GRID2: variants seen among roughly 807,000 people sequenced by gnomAD.
GRID2 encodes glutamate ionotropic receptor delta type subunit 2.
In GRID2, 33 loss-of-function variants were observed where a neutral mutation model predicts 114.8. The observed-to-expected ratio is 0.29, with a 90% CI of 0.22 to 0.38. The LOEUF (loss-of-function observed/expected upper bound fraction) is 0.38. GRID2 is among the 10% of genes least tolerant of loss of function. The pLI is 1.00. For missense variants in GRID2, 1,184 were observed against 1,257.7 expected, an observed-to-expected ratio of 0.94 and a Z score of 0.89; for synonymous variants, 505 against 449.9, an observed-to-expected ratio of 1.12 and a Z score of -1.55.
At chr4:93,748,710 A>ACTTTAG (rs1560970738) in intron 14 of GRID2, among the ~76,000 whole-genome samples, 1 of 151,496 alleles carries the variant, frequency 6.6e-6, no homozygotes, top group Non-Finnish European at 1.5e-5. Context: ...CAAAAAAATA[A>ACTTTAG]TGTGTGCCAA....
At chr4:92,320,312 C>T (rs951829556) in intron 1 of GRID2, among the ~76,000 whole-genome samples, 10 of 152,190 alleles carry the variant, frequency 6.6e-5, no homozygotes, top group African/African-American at 1.9e-4. Flanking sequence ...TCAAATTCAA[C>T]GTTAATAGTG....
At chr4:93,097,895 T>C (rs995441667) in intron 3 of GRID2, among the ~76,000 whole-genome samples, 7 of 151,972 alleles carry the variant, frequency 4.6e-5, no homozygotes, top group African/African-American at 1.4e-4. Flanking sequence ...TATAGTCGTT[T>C]ATCAATAAGT....
intron 1 of GRID2, among the ~76,000 whole-genome samples, chr4:92,362,538 A>T (rs1358268176): frequency 6.6e-6 from 1 of 151,916 alleles, no homozygotes; most frequent in African/African-American, 2.4e-5. Context: ...TATAAATTTC[A>T]GTTTTCTTTG....
At chr4:93,727,620 C>CA (rs1553992053) in intron 14 of GRID2, among the ~76,000 whole-genome samples, 1 of 152,054 alleles carries the variant, frequency 6.6e-6, no homozygotes, top group Non-Finnish European at 1.5e-5. Flanking sequence ...TGGTCCTGGA[C>CA]TTTTTTTGGT....
chr4:92,460,155 A>G (rs985827171), intron 1 of GRID2, among the ~76,000 whole-genome samples: 1 of 149,594 alleles, frequency 6.7e-6, no homozygotes, highest in Non-Finnish European at 1.5e-5. Flanking sequence ...TGAACAAACA[A>G]ATAAACAAAA....
At chr4:92,688,504 A>G (rs1452831091) in intron 2 of GRID2, among the ~76,000 whole-genome samples, 1 of 152,208 alleles carries the variant, frequency 6.6e-6, no homozygotes, top group African/African-American at 2.4e-5. Context: ...TGTCATTTAA[A>G]CAGTATTCCC....
chr4:93,402,876 A>G (rs1294377418), intron 9 of GRID2, among the ~76,000 whole-genome samples: 1 of 152,174 alleles, frequency 6.6e-6, no homozygotes, highest in African/African-American at 2.4e-5. Context: ...CTGAAACGTC[A>G]TTGTCCTTAA....
chr4:93,291,399 A>C (rs1753743561), intron 8 of GRID2, among the ~76,000 whole-genome samples: 1 of 152,180 alleles, frequency 6.6e-6, no homozygotes, highest in Admixed American at 6.5e-5. Flanking sequence ...TATAATTCAT[A>C]ATATGAGGAA....
intron 2 of GRID2, among the ~76,000 whole-genome samples, chr4:92,988,432 A>C (rs1048023275): frequency 1.3e-5 from 2 of 152,176 alleles, no homozygotes; most frequent in African/African-American, 4.8e-5. Flanking sequence ...AAGAAAAAGG[A>C]AGCAAGACAA....
At chr4:92,902,301 A>T (rs1747637375) in intron 2 of GRID2, among the ~76,000 whole-genome samples, 1 of 151,666 alleles carries the variant, frequency 6.6e-6, no homozygotes, top group South Asian at 2.1e-4. Flanking sequence ...CTTCTTTTTC[A>T]TTTCTGATTG....
chr4:93,128,538 T>C (rs12503563), intron 4 of GRID2, among the ~76,000 whole-genome samples: 60,136 of 152,008 alleles, frequency 0.4, 12,255 homozygotes, highest in Admixed American at 0.54. Flanking sequence ...ATGTTAATGG[T>C]GGTTTAATCT....
chr4:93,787,142 A>C (rs2110355533), intron 1 of GRID2, among the ~76,000 whole-genome samples: 1 of 151,958 alleles, frequency 6.6e-6, no homozygotes, highest in African/African-American at 2.4e-5. Flanking sequence ...GATGAGGTAA[A>C]GAGAGAACAT....
rs60674952 is a variant in GRID2, at chr4:92,412,117, C to CTGTGTG, written c.88+107388_88+107393dup. 3.1e-3 allele frequency among the ~76,000 whole-genome samples: 451 copies of CTGTGTG among 143,528 alleles called. 3 individuals are homozygous for CTGTGTG. The highest frequency in any genetic ancestry group is 0.011 in the African/African-American group (418 of 39,506). 94.2% of individuals were successfully genotyped at this position (143,528 alleles called of 152,430 possible). Reference sequence around the variant, plus strand: ...CAATTATATATCGTGTTTTTTGTGCCTGTGTGTGTGTGTGTGTGTGGTGTG... The same window carrying CTGTGTG: ...CAATTATATATCGTGTTTTTTGTGCCTGTGTGTGTGTGTGTGTGTGTGTGTGGTGTG... On this transcript the variant is annotated intron_variant, in intron 1 of 15. Transcript: ENST00000282020.
intron 14 of GRID2, among the ~76,000 whole-genome samples, chr4:93,675,039 T>C (rs539355134): frequency 2.1e-4 from 32 of 152,320 alleles, no homozygotes; most frequent in African/African-American, 6.7e-4. Flanking sequence ...AAGCCAATTA[T>C]GACCAACCAA....
intron 2 of GRID2, among the ~76,000 whole-genome samples, chr4:92,612,914 T>C (rs1268049573): frequency 4.0e-5 from 6 of 151,402 alleles, no homozygotes; most frequent in Non-Finnish European, 7.4e-5. Context: ...TGCCTTTTCT[T>C]TCTTTTATCA....
intron 2 of GRID2, among the ~76,000 whole-genome samples, chr4:93,052,636 C>T (rs1031582508): frequency 6.6e-6 from 1 of 151,896 alleles, no homozygotes; most frequent in African/African-American, 2.4e-5. Flanking sequence ...GGGTCAACCA[C>T]TATCAGAAAT....
At chr4:93,302,470 G>A (rs1490239581) in intron 8 of GRID2, 1 of 426,770 alleles carries the variant, frequency 2.3e-6, no homozygotes, top group Non-Finnish European at 4.7e-6. Context: ...CTAACAGGCA[G>A]AGTAACTCTC....
chr4:92,859,042 C>T (rs551933889), intron 2 of GRID2, among the ~76,000 whole-genome samples: 9 of 152,198 alleles, frequency 5.9e-5, no homozygotes, highest in Admixed American at 2.6e-4. Flanking sequence ...AATCCTACTA[C>T]GGGTAAAATG....
At chr4:92,885,122 A>G (rs1746286199) in intron 2 of GRID2, 1 of 311,510 alleles carries the variant, frequency 3.2e-6, no homozygotes, top group Non-Finnish European at 6.2e-6. Context: ...AGTAAGTTAA[A>G]CTTGATGGTT....
Sources: gnomAD v4.1 joint callset for allele counts (sites outside exome capture counted in the v4.1 genomes callset) on GRCh38, gnomAD v4.1.1 for gene constraint, MANE v1.5 for transcripts, NCBI Gene and HGNC (gene_info 2026-07-23, HGNC 2026-07-21) for gene names.